GRXCR2: variants seen among roughly 807,000 people sequenced by gnomAD.
GRXCR2 encodes glutaredoxin and cysteine rich domain containing 2.
In GRXCR2, 23 loss-of-function variants were observed where a neutral mutation model predicts 24.8. The ratio of observed to expected loss-of-function variants is 0.93; its 90% CI spans 0.67 to 1.32. The LOEUF is 1.32. GRXCR2 is among the 40% of genes most tolerant of loss of function. GRXCR2 has a pLI of 0.00. For synonymous variants in GRXCR2, 130 were observed against 116.1 expected (o/e 1.12, Z -0.77); for missense variants, 315 against 303.4 (o/e 1.04, Z -0.28).
At chr5:145,878,356 C>T (rs751310068) in intron 2 of GRXCR2, among the ~76,000 whole-genome samples, 1 of 152,114 alleles carries the variant, frequency 6.6e-6, no homozygotes, top group Middle Eastern at 3.4e-3. Context: ...CCTTAAATGA[C>T]CTGATGGAGC....
At chr5:145,893,463 A>C (rs531133958) in intron 2 of GRXCR2, among the ~76,000 whole-genome samples, 1 of 152,312 alleles carries the variant, frequency 6.6e-6, no homozygotes, top group Admixed American at 6.5e-5. Flanking sequence ...GGAAAACAAA[A>C]AAAGGCAGGG....
chr5:145,928,327 C>T (rs1254136282), intron 2 of GRXCR2, among the ~76,000 whole-genome samples: 3 of 152,252 alleles, frequency 2.0e-5, no homozygotes, highest in African/African-American at 7.2e-5. Context: ...AGTTCAACCA[C>T]TGTGGAAGTC....
intron 2 of GRXCR2, among the ~76,000 whole-genome samples, chr5:145,886,109 CAT>C (rs999585366): frequency 6.6e-6 from 1 of 152,186 alleles, no homozygotes; most frequent in African/African-American, 2.4e-5. Context: ...TAACTAGTCT[CAT>C]CATATTCTAG....
intron 2 of GRXCR2, among the ~76,000 whole-genome samples, chr5:145,929,199 CTA>C (rs72283862): frequency 0.22 from 26,195 of 116,668 alleles, 3,438 homozygotes; most frequent in Middle Eastern, 0.26. Context: ...ATATTCCCCC[CTA>C]TATATATATA....
At chr5:145,869,627 G>A (rs185446819) in intron 1 of GRXCR2, among the ~76,000 whole-genome samples, 1,506 of 148,320 alleles carry the variant, frequency 0.01, 28 homozygotes, top group African/African-American at 0.036. Context: ...GTGCAATCTC[G>A]GCTCACTGCA....
chr5:145,920,079 A>G (rs1432288450), intron 2 of GRXCR2, among the ~76,000 whole-genome samples: 2 of 152,190 alleles, frequency 1.3e-5, no homozygotes, highest in Non-Finnish European at 2.9e-5. Flanking sequence ...CTCACTGTTT[A>G]GAGTAGTGCT....
chr5:145,866,655 T>C lies in GRXCR2; in HGVS notation c.410A>G (p.Asp137Gly). The change falls in exon 2 of 3, where the codon GAC (aspartate) becomes GGC (glycine). Residue 137 changes from aspartate (D) to glycine (G), a missense_variant. Transcript: ENST00000377976. ...AATTTTCCTCACAAAATCTCTCTTG[T>C]CCATTGGGGTTCGAATGATTTTCAG... The part of the protein sequence containing the change: ...NNLKIIRTPM[D>G]KRDFVRKILQ... 1 of 1,613,958 alleles carries C rather than the reference T, an allele frequency of 6.2e-7. No individual in the cohort carries two copies. The highest frequency in any genetic ancestry group is 8.5e-7 in the Non-Finnish European group (1 of 1,179,808).
chr5:145,931,497 C>G (rs1187766482), intron 2 of GRXCR2, among the ~76,000 whole-genome samples: 1 of 152,200 alleles, frequency 6.6e-6, no homozygotes, highest in Non-Finnish European at 1.5e-5. Context: ...ACACTCCTCA[C>G]CTGCAAACAT....
intron 2 of GRXCR2, among the ~76,000 whole-genome samples, chr5:145,882,739 A>G (rs1487925128): frequency 6.6e-6 from 1 of 152,148 alleles, no homozygotes; most frequent in Non-Finnish European, 1.5e-5. Context: ...TTATTGTGGC[A>G]CTATTCACAA....
At chr5:145,869,997 G>T (rs2149911195) in intron 1 of GRXCR2, among the ~76,000 whole-genome samples, 1 of 152,268 alleles carries the variant, frequency 6.6e-6, no homozygotes, top group South Asian at 2.1e-4. Flanking sequence ...GGGTAGGACT[G>T]AACATCAAGC....
At chr5:145,885,649 T>C (rs1408949651) in intron 2 of GRXCR2, among the ~76,000 whole-genome samples, 1 of 152,228 alleles carries the variant, frequency 6.6e-6, no homozygotes, top group Admixed American at 6.5e-5. Flanking sequence ...CAGGACTTCT[T>C]AGAATGTTTA....
intron 2 of GRXCR2, among the ~76,000 whole-genome samples, chr5:145,894,586 G>A (rs1756920595): frequency 6.6e-6 from 1 of 152,164 alleles, no homozygotes; most frequent in Non-Finnish European, 1.5e-5. Context: ...AAACCAGGAA[G>A]AAGTTCAATC....
intron 2 of GRXCR2, among the ~76,000 whole-genome samples, chr5:145,925,137 T>C (rs1302383364): frequency 6.6e-6 from 1 of 152,138 alleles, no homozygotes; most frequent in African/African-American, 2.4e-5. Context: ...CATTCCGGTC[T>C]CACAGATGAG....
rs367939895 is a variant in GRXCR2, at chr5:145,861,772, C to T, written c.565-1857G>A. 2.6e-5 allele frequency among the ~76,000 whole-genome samples: 4 copies of T among 152,240 alleles called. No homozygotes were observed. In the East Asian group the frequency reaches 7.7e-4, roughly 29 times the overall value. ...AAGACAGCAGGAGTCCGCTGGGTAGCTCTGCCCAACTCATTCAGCTTTCTT... is the reference window on the plus strand; with the variant it reads ...AAGACAGCAGGAGTCCGCTGGGTAGTTCTGCCCAACTCATTCAGCTTTCTT... On this transcript the variant is annotated intron_variant, in intron 2 of 2. Coordinates refer to ENST00000377976, the MANE Select transcript of GRXCR2 (RefSeq NM_001080516.2).
chr5:145,871,967 T>G (rs1756537589), intron 1 of GRXCR2, among the ~76,000 whole-genome samples: 1 of 152,238 alleles, frequency 6.6e-6, no homozygotes, highest in Non-Finnish European at 1.5e-5. Context: ...AAATCATGTA[T>G]GGACTTTTGA....
intron 2 of GRXCR2, among the ~76,000 whole-genome samples, chr5:145,862,077 A>G (rs1756348347): frequency 6.6e-6 from 1 of 152,246 alleles, no homozygotes; most frequent in Admixed American, 6.5e-5. Flanking sequence ...TCTTAAAGCA[A>G]GTTGCCACGA....
intron 2 of GRXCR2, among the ~76,000 whole-genome samples, chr5:145,888,414 C>T (rs575126594): frequency 4.6e-5 from 7 of 152,220 alleles, no homozygotes; most frequent in East Asian, 1.9e-4. Flanking sequence ...AAGTAGGGAT[C>T]GGGCCAAGTG....
intron 1 of GRXCR2, among the ~76,000 whole-genome samples, chr5:145,869,559 CT>C (rs398038865): frequency 0.19 from 26,735 of 137,328 alleles, 2,468 homozygotes; most frequent in Non-Finnish European, 0.24. Flanking sequence ...CTCTCTCTCT[CT>C]TTTTTTTTTT....
chr5:145,907,734 G>A (rs1157810312), intron 2 of GRXCR2, among the ~76,000 whole-genome samples: 2 of 152,130 alleles, frequency 1.3e-5, no homozygotes, highest in Admixed American at 6.6e-5. Context: ...AAAGAGAGAA[G>A]TGTTGGGGAA....
Sources: gnomAD v4.1 joint callset for allele counts (sites outside exome capture counted in the v4.1 genomes callset) on GRCh38, gnomAD v4.1.1 for gene constraint, MANE v1.5 for transcripts, NCBI Gene and HGNC (gene_info 2026-07-23, HGNC 2026-07-21) for gene names.